Variants in PARD3B observed in about 807,000 individuals in gnomAD.
PARD3B encodes the protein par-3 family cell polarity regulator beta.
A neutral mutation model predicts 130.2 loss-of-function variants in PARD3B; 103 were observed. The ratio of observed to expected loss-of-function variants is 0.79; its 90% CI spans 0.67 to 0.93. The LOEUF is 0.93. PARD3B is among the 40% of genes least tolerant of loss of function. PARD3B has a pLI of 0.00. For synonymous variants in PARD3B, 583 were observed against 553.2 expected (o/e 1.05, Z -0.76); for missense variants, 1,609 against 1,499.2 (o/e 1.07, Z -1.21).
rs2039927201 is a variant in PARD3B at position 205,253,093 on chromosome 2, A to G, written c.2185+7271A>G. Among the ~76,000 whole-genome samples the G allele has an allele frequency of 6.6e-6, 1 of 152,100 alleles. No individual in the cohort carries two copies. The highest frequency in any genetic ancestry group is 2.4e-5 in the African/African-American group (1 of 41,424). ...CTGCATAATAAAACCAACAGTAAAC[A>G]TTTATTTCTTGATCACATATCTCCA... is the stretch of plus-strand genomic sequence containing the variant. On this transcript the variant is annotated intron_variant, in intron 16 of 22. Transcript: ENST00000406610. This position sits in a 1 kb window ranked among gnomAD's most constrained non-coding sequence, Gnocchi z 4.4.
At chr2:204,905,677 G>A (rs533095714) in intron 2 of PARD3B, among the ~76,000 whole-genome samples, 2 of 152,288 alleles carry the variant, frequency 1.3e-5, no homozygotes, top group East Asian at 3.9e-4. Flanking sequence ...GACCAAGTGG[G>A]TGGGCACAGT....
chr2:204,981,938 A>T (rs1692698839), intron 3 of PARD3B, among the ~76,000 whole-genome samples: 1 of 152,092 alleles, frequency 6.6e-6, no homozygotes, highest in Non-Finnish European at 1.5e-5. Flanking sequence ...GAGTCTATCA[A>T]TGCTATTTAA....
chr2:204,581,591 C>T (rs1225319597), intron 1 of PARD3B, among the ~76,000 whole-genome samples: 3 of 152,102 alleles, frequency 2.0e-5, no homozygotes, highest in African/African-American at 7.2e-5. Flanking sequence ...GCCAGGGTCT[C>T]TTGGTCCATG....
intron 16 of PARD3B, among the ~76,000 whole-genome samples, chr2:205,266,175 G>C (rs1019413027): frequency 6.6e-6 from 1 of 152,086 alleles, no homozygotes; most frequent in African/African-American, 2.4e-5. Flanking sequence ...CCACCAAATA[G>C]AGTTTATTCA....
chr2:204,907,704 G>GTTTTGTTTTGTTT lies in PARD3B; in HGVS notation c.223-57445_223-57433dup, dbSNP rs1413845300. Among the ~76,000 whole-genome samples the GTTTTGTTTTGTTT allele has an allele frequency of 6.6e-6, 1 of 151,792 alleles. No homozygotes were observed. The highest frequency in any genetic ancestry group is 1.5e-5 in the Non-Finnish European group (1 of 67,930). On this transcript the variant is annotated intron_variant, in intron 2 of 22. Transcript: ENST00000406610. The surrounding 1 kb of genome is among the most constrained non-coding windows in gnomAD (Gnocchi z 5.7). ...CTATAAAGAGTGGTTTTTTTGTCTTGTTTTGTTTTGTTTTTGACACAGAGT... is the reference window on the plus strand; with the variant it reads ...CTATAAAGAGTGGTTTTTTTGTCTTGTTTTGTTTTGTTTTTTTGTTTTGTTTTTGACACAGAGT...
chr2:204,774,769 T>G (rs1180705957), intron 2 of PARD3B, among the ~76,000 whole-genome samples: 1 of 152,142 alleles, frequency 6.6e-6, no homozygotes, highest in Non-Finnish European at 1.5e-5. Context: ...GTGGTCTGTA[T>G]TTCTAAGAAG....
chr2:204,960,056 G>A (rs937174731), intron 2 of PARD3B, among the ~76,000 whole-genome samples: 12 of 152,162 alleles, frequency 7.9e-5, no homozygotes, highest in Admixed American at 1.3e-4. Flanking sequence ...AAAGCTGTTA[G>A]GGTCTAAAAT....
Position 205,301,774 on chromosome 2 carries a change from C to T in PARD3B, c.2630+73C>T, listed in dbSNP as rs1292095701. ...TGGTAAAATCACTCCTTTGTCTGTACTCAGAAAAAAGCGCACGCTTTTCCT... is the reference window on the plus strand; with the variant it reads ...TGGTAAAATCACTCCTTTGTCTGTATTCAGAAAAAAGCGCACGCTTTTCCT... On this transcript the variant is annotated intron_variant, in intron 18 of 22. Coordinates refer to ENST00000406610, the MANE Select transcript of PARD3B (RefSeq NM_001302769.2). The surrounding 1 kb of genome is among the most constrained non-coding windows in gnomAD (Gnocchi z 5.2). 1.2e-6 allele frequency: 2 copies of T among 1,613,026 alleles called. No individual in the cohort carries two copies. Among genetic ancestry groups the T allele is most frequent in the Non-Finnish European group, 8.5e-7 (1 of 1,179,142 alleles).
At chr2:205,222,411 C>G (rs2038291726) in intron 15 of PARD3B, among the ~76,000 whole-genome samples, 1 of 152,114 alleles carries the variant, frequency 6.6e-6, no homozygotes, top group East Asian at 1.9e-4. Context: ...CCTAAGTTCC[C>G]TCCTCTGTGA....
At chr2:204,730,975 AAG>A (rs371785040) in intron 2 of PARD3B, among the ~76,000 whole-genome samples, 3 of 152,298 alleles carry the variant, frequency 2.0e-5, no homozygotes, top group African/African-American at 7.2e-5. Flanking sequence ...GTAGCCTGAA[AAG>A]AGAAACAGAA....
In PARD3B at chr2:204,906,200, C is replaced by A. The variant is rs1323099826; in HGVS notation, c.223-58952C>A. Among the ~76,000 whole-genome samples the A allele has an allele frequency of 1.3e-5, 2 of 152,130 alleles. No homozygotes were observed. The highest frequency in any genetic ancestry group is 2.9e-5 in the Non-Finnish European group (2 of 68,026). ...GTGACTTAAGTAATTATTTAGAAGT[C>A]ATGGTAACTATTTGTCAAAAAGTAA... On this transcript the variant is annotated intron_variant, in intron 2 of 22. Coordinates refer to ENST00000406610, the MANE Select transcript of PARD3B (RefSeq NM_001302769.2). This position sits in a 1 kb window ranked among gnomAD's most constrained non-coding sequence, Gnocchi z 4.3.
chr2:205,442,963 A>G (rs1294571090), intron 20 of PARD3B, among the ~76,000 whole-genome samples: 2 of 152,144 alleles, frequency 1.3e-5, no homozygotes, highest in African/African-American at 4.8e-5. Flanking sequence ...CCGCTGTCCT[A>G]TTTTTGGATA....
intron 4 of PARD3B, among the ~76,000 whole-genome samples, chr2:205,062,885 T>G (rs1322238459): frequency 4.6e-5 from 7 of 152,164 alleles, no homozygotes; most frequent in Non-Finnish European, 7.4e-5. Flanking sequence ...GATACAGGTC[T>G]CTGAGAGTAT....
chr2:204,924,061 T>G (rs1687399544), intron 2 of PARD3B, among the ~76,000 whole-genome samples: 1 of 152,102 alleles, frequency 6.6e-6, no homozygotes, highest in Admixed American at 6.6e-5. Context: ...AATGAAGGAC[T>G]AAAACCACTG....
intron 16 of PARD3B, among the ~76,000 whole-genome samples, chr2:205,267,647 C>T (rs140618713): frequency 2.0e-4 from 30 of 152,162 alleles, no homozygotes; most frequent in African/African-American, 6.3e-4. Flanking sequence ...TTAATGATTC[C>T]GCAGTCCTAT....
chr2:204,712,459 A>G (rs1184145529), intron 2 of PARD3B, among the ~76,000 whole-genome samples: 1 of 151,910 alleles, frequency 6.6e-6, no homozygotes, highest in East Asian at 1.9e-4. Flanking sequence ...AAAAATACAA[A>G]AATTATCCGG....
intron 3 of PARD3B, among the ~76,000 whole-genome samples, chr2:204,983,500 G>T (rs1416780355): frequency 6.6e-6 from 1 of 152,116 alleles, no homozygotes; most frequent in Non-Finnish European, 1.5e-5. Context: ...ATTTAGTTGA[G>T]AATTAAGAGG....
At chr2:205,115,582 A>C (rs564432489) in intron 6 of PARD3B, among the ~76,000 whole-genome samples, 1 of 152,170 alleles carries the variant, frequency 6.6e-6, no homozygotes, top group Non-Finnish European at 1.5e-5. Context: ...ATTTTTTGCT[A>C]TCCACCAGTA....
intron 1 of PARD3B, among the ~76,000 whole-genome samples, chr2:204,548,398 C>T (rs1055510195): frequency 6.6e-6 from 1 of 152,112 alleles, no homozygotes; most frequent in Non-Finnish European, 1.5e-5. Flanking sequence ...TGACTTATTT[C>T]TCCCAACAAC....
Sources: gnomAD v4.1 joint callset for allele counts (sites outside exome capture counted in the v4.1 genomes callset) on GRCh38, gnomAD v4.1.1 for gene constraint, Gnocchi (gnomAD v3.1) non-coding constraint, MANE v1.5 for transcripts, NCBI Gene and HGNC (gene_info 2026-07-23, HGNC 2026-07-21) for gene names.